RBFOX1: variants seen among roughly 807,000 people sequenced by gnomAD.
The protein encoded by RBFOX1 is RNA binding protein fox-1 homolog 1.
Under a neutral mutation model 57.7 loss-of-function variants are expected in RBFOX1, and 8 were observed. The observed-to-expected ratio is 0.14, with a 90% confidence interval of 0.08 to 0.25. The LOEUF (loss-of-function observed/expected upper bound fraction) is 0.25. Ranked by LOEUF, RBFOX1 falls within the 10% of genes least tolerant of loss-of-function variation. The pLI, the probability that RBFOX1 is intolerant of heterozygous loss-of-function variation, is 1.00. For missense variants in RBFOX1, 611 were observed against 548.5 expected (o/e 1.11, Z -1.14); for synonymous variants, 326 against 222.4 (o/e 1.47, Z -4.15).
At chr16:5,794,599 C>T (rs1243792469) in intron 3 of RBFOX1, among the ~76,000 whole-genome samples, 1 of 152,004 alleles carries the variant, frequency 6.6e-6, no homozygotes, top group Admixed American at 6.6e-5. Context: ...TGTTGTGTGT[C>T]AAGGCATGTG....
chr16:6,317,095 A>G lies in RBFOX1; in HGVS notation c.-64+38A>G, dbSNP rs764776797. The G allele has an allele frequency of 3.3e-6, 5 of 1,494,964 alleles. No individual in the cohort carries two copies. The South Asian group carries it at 6.0e-5, about 18-fold the overall frequency. The allele number at this position is 1,494,964 out of a possible 1,614,324, so 92.6% of individuals were successfully genotyped here. A position where few individuals can be genotyped will look rare whatever the true frequency, so the allele number is the denominator to read the frequency against. ...CATTTTGAACATTCATTCCATAAAT[A>G]CATCCATGTCTTTGATCCTGTTCTC... On this transcript the variant is annotated intron_variant, in intron 2 of 15. Coordinates refer to ENST00000550418, the MANE Select transcript of RBFOX1 (RefSeq NM_018723.4).
intron 3 of RBFOX1, among the ~76,000 whole-genome samples, chr16:7,014,678 G>C (rs369039520): frequency 2.0e-5 from 3 of 152,104 alleles, no homozygotes; most frequent in African/African-American, 7.2e-5. Flanking sequence ...AATGGGAATG[G>C]AATCTTGAGT....
chr16:6,832,699 C>G (rs1401231035), intron 3 of RBFOX1, among the ~76,000 whole-genome samples: 2 of 152,218 alleles, frequency 1.3e-5, no homozygotes, highest in African/African-American at 4.8e-5. Flanking sequence ...AGTTTCTCCA[C>G]TTGCCCTTTT....
At chr16:5,273,340 G>A (rs772278195) in intron 1 of RBFOX1, among the ~76,000 whole-genome samples, 1 of 152,008 alleles carries the variant, frequency 6.6e-6, no homozygotes, top group Non-Finnish European at 1.5e-5. Flanking sequence ...CTATGTGTCA[G>A]TCTTTAGTGC....
chr16:6,349,125 C>A (rs1388419553), intron 2 of RBFOX1, among the ~76,000 whole-genome samples: 1 of 152,146 alleles, frequency 6.6e-6, no homozygotes, highest in Non-Finnish European at 1.5e-5. Context: ...TCTGCAGTAA[C>A]CTCTGTCTCT....
At chr16:7,151,679 T>C (rs990201743) in intron 4 of RBFOX1, among the ~76,000 whole-genome samples, 2 of 152,160 alleles carry the variant, frequency 1.3e-5, no homozygotes, top group African/African-American at 4.8e-5. Context: ...TTGTAATATA[T>C]AATGAAATAA....
chr16:6,895,026 C>G (rs2066419882), intron 3 of RBFOX1, among the ~76,000 whole-genome samples: 1 of 152,140 alleles, frequency 6.6e-6, no homozygotes, highest in African/African-American at 2.4e-5. Context: ...CTAGTTCATC[C>G]TTCTTACCAG....
At chr16:6,020,198 G>C (rs1771522016) in intron 1 of RBFOX1, among the ~76,000 whole-genome samples, 1 of 152,060 alleles carries the variant, frequency 6.6e-6, no homozygotes. Context: ...GAGACCCTGA[G>C]CCCCCTTGTG....
intron 3 of RBFOX1, among the ~76,000 whole-genome samples, chr16:6,927,373 G>T (rs888172175): frequency 8.5e-6 from 1 of 117,694 alleles, no homozygotes; most frequent in African/African-American, 3.4e-5. Context: ...AGATCGCACC[G>T]CTCCACTCCA....
intron 2 of RBFOX1, among the ~76,000 whole-genome samples, chr16:5,493,004 C>A (rs961309575): frequency 6.6e-6 from 1 of 152,222 alleles, no homozygotes; most frequent in African/African-American, 2.4e-5. Flanking sequence ...CACTGCCTAT[C>A]TTCCTAAATG....
At chr16:7,134,623 T>A (rs937688154) in intron 4 of RBFOX1, among the ~76,000 whole-genome samples, 2 of 152,128 alleles carry the variant, frequency 1.3e-5, no homozygotes, top group Non-Finnish European at 2.9e-5. Context: ...CCTGCCCACA[T>A]CCAGAAAATG....
chr16:6,785,860 C>T (rs1257664570), intron 3 of RBFOX1, among the ~76,000 whole-genome samples: 3 of 152,206 alleles, frequency 2.0e-5, no homozygotes, highest in Non-Finnish European at 4.4e-5. Flanking sequence ...GTCCATTAGA[C>T]TCTAAAACTG....
intron 1 of RBFOX1, among the ~76,000 whole-genome samples, chr16:6,246,236 T>A (rs1162967812): frequency 6.6e-6 from 1 of 152,192 alleles, no homozygotes; most frequent in African/African-American, 2.4e-5. Flanking sequence ...TGACTGGAAC[T>A]GATGGCTTGG....
intron 5 of RBFOX1, among the ~76,000 whole-genome samples, chr16:7,542,823 T>C (rs1343666516): frequency 1.0e-5 from 1 of 100,074 alleles, no homozygotes; most frequent in African/African-American, 3.8e-5. Flanking sequence ...AAAAAAAAAA[T>C]AGAGGAACAG....
chr16:6,814,601 A>G (rs2089619511), intron 3 of RBFOX1, among the ~76,000 whole-genome samples: 1 of 152,180 alleles, frequency 6.6e-6, no homozygotes, highest in Non-Finnish European at 1.5e-5. Flanking sequence ...GAGATTCTCA[A>G]GTAAATGGCA....
At chr16:5,337,649 G>A (rs1051522411) in intron 1 of RBFOX1, among the ~76,000 whole-genome samples, 1 of 152,206 alleles carries the variant, frequency 6.6e-6, no homozygotes, top group South Asian at 2.1e-4. Context: ...CTCTAGGTAT[G>A]TAAGACCACA....
intron 1 of RBFOX1, among the ~76,000 whole-genome samples, chr16:5,326,130 C>T (rs75661376): frequency 0.015 from 2,239 of 152,284 alleles, 52 homozygotes; most frequent in African/African-American, 0.05. Flanking sequence ...TTGGTATCGT[C>T]AGCATTTTTA....
intron 3 of RBFOX1, among the ~76,000 whole-genome samples, chr16:6,768,963 G>T (rs547935178): frequency 6.6e-6 from 1 of 152,024 alleles, no homozygotes; most frequent in Non-Finnish European, 1.5e-5. Flanking sequence ...TCCTGACCTC[G>T]TGATCTGCCT....
chr16:6,604,710 G>C (rs988793561), intron 2 of RBFOX1, among the ~76,000 whole-genome samples: 1 of 152,088 alleles, frequency 6.6e-6, no homozygotes, highest in Admixed American at 6.6e-5. Flanking sequence ...GCACACACAC[G>C]TATAATTGTC....
Sources: allele counts gnomAD v4.1 joint callset (sites outside exome capture counted in the v4.1 genomes callset), GRCh38; gene constraint gnomAD v4.1.1; transcripts MANE v1.5; gene names NCBI Gene and HGNC (gene_info 2026-07-23, HGNC 2026-07-21).